Variants in PLA2G4A observed in about 807,000 individuals in gnomAD.
PLA2G4A encodes the protein phospholipase A2 group IVA.
PLA2G4A carries 40 observed loss-of-function variants against 81.9 expected under a neutral mutation model. That is an observed-to-expected ratio of 0.49 (90% CI 0.38 to 0.64). The LOEUF (loss-of-function observed/expected upper bound fraction) is 0.64, where lower values mean the gene tolerates loss of function less well. Ranked by LOEUF, PLA2G4A falls within the 30% of genes least tolerant of loss-of-function variation. The pLI, the probability that PLA2G4A is intolerant of heterozygous loss-of-function variation, is 0.00. For synonymous variants in PLA2G4A, 302 were observed against 296.9 expected (o/e 1.02, Z -0.18); for missense variants, 715 against 905.1 (o/e 0.79, Z 2.69).
intron 3 of PLA2G4A, among the ~76,000 whole-genome samples, chr1:186,892,137 T>C (rs573741072): frequency 5.9e-5 from 9 of 152,182 alleles, no homozygotes; most frequent in Non-Finnish European, 1.2e-4. Flanking sequence ...GTTGGTTACA[T>C]TATTAGATGT....
At chr1:186,872,614 A>C (rs1195782349) in intron 3 of PLA2G4A, among the ~76,000 whole-genome samples, 1 of 151,998 alleles carries the variant, frequency 6.6e-6, no homozygotes, top group African/African-American at 2.4e-5. Context: ...TTTATACTCC[A>C]TGAGTCTCTT....
At chr1:186,864,446 C>T (rs1652937757) in intron 2 of PLA2G4A, among the ~76,000 whole-genome samples, 2 of 152,006 alleles carry the variant, frequency 1.3e-5, no homozygotes, top group Non-Finnish European at 2.9e-5. Context: ...TCTTTCTCTA[C>T]ATCTATGCCA....
intron 1 of PLA2G4A, among the ~76,000 whole-genome samples, chr1:186,848,608 G>A (rs1652268131): frequency 1.3e-5 from 2 of 152,084 alleles, no homozygotes; most frequent in Admixed American, 6.6e-5. Context: ...AGGGTAGAAG[G>A]AGAGTTAGCC....
intron 3 of PLA2G4A, among the ~76,000 whole-genome samples, chr1:186,871,171 G>A (rs989416022): frequency 6.6e-6 from 1 of 152,052 alleles, no homozygotes; most frequent in African/African-American, 2.4e-5. Context: ...AACTGGTATA[G>A]GACAGCCTGA....
At chr1:186,858,768 C>T (rs375823243) in intron 2 of PLA2G4A, among the ~76,000 whole-genome samples, 4 of 151,876 alleles carry the variant, frequency 2.6e-5, no homozygotes, top group African/African-American at 4.8e-5. Context: ...TCATGTTTTT[C>T]GTTAGTTTCT....
At chr1:186,829,433 C>A (rs1380174267) in intron 1 of PLA2G4A, among the ~76,000 whole-genome samples, 1 of 152,194 alleles carries the variant, frequency 6.6e-6, no homozygotes, top group East Asian at 1.9e-4. Flanking sequence ...CCCTAGCGAT[C>A]TTTAGCGAGA....
intron 1 of PLA2G4A, among the ~76,000 whole-genome samples, chr1:186,829,317 G>A (rs879492942): frequency 1.2e-4 from 18 of 152,182 alleles, no homozygotes; most frequent in African/African-American, 4.1e-4. Context: ...CAGAAAGTTA[G>A]CATTCAAAAC....
intron 14 of PLA2G4A, among the ~76,000 whole-genome samples, chr1:186,963,434 A>G (rs1657027399): frequency 6.6e-6 from 1 of 152,216 alleles, no homozygotes; most frequent in Non-Finnish European, 1.5e-5. Context: ...AACAGAATTG[A>G]TCTACAGATA....
chr1:186,907,936 G>C (rs561106082), intron 6 of PLA2G4A, among the ~76,000 whole-genome samples: 54 of 152,328 alleles, frequency 3.5e-4, no homozygotes, highest in African/African-American at 1.2e-3. Context: ...TTTGGCATGA[G>C]ATTAGAAACA....
chr1:186,937,737 A>T (rs1393255567), intron 8 of PLA2G4A, among the ~76,000 whole-genome samples: 2 of 78,234 alleles, frequency 2.6e-5, no homozygotes, highest in Non-Finnish European at 5.4e-5. Flanking sequence ...GACTAAAAAA[A>T]AAATAGCCTA....
chr1:186,875,707 A>ATATTTGATTGTGTGATATTTGTGT (rs1653468974), intron 3 of PLA2G4A, among the ~76,000 whole-genome samples: 5 of 151,852 alleles, frequency 3.3e-5, no homozygotes, highest in Non-Finnish European at 5.9e-5. Flanking sequence ...GATATTTGTG[A>ATATTTGATTGTGTGATATTTGTGT]TCCATCTAAG....
chr1:186,911,104 T>C, intron 6 of PLA2G4A, 144 bp from the exon 7 acceptor site: 1 of 746,252 alleles, frequency 1.3e-6, no homozygotes, highest in East Asian at 2.5e-5. Flanking sequence ...TATCCTCTTA[T>C]TTTAGGTCCC....
At chr1:186,975,344 T>A (rs1657493864) in intron 15 of PLA2G4A, among the ~76,000 whole-genome samples, 1 of 152,250 alleles carries the variant, frequency 6.6e-6, no homozygotes, top group African/African-American at 2.4e-5. Flanking sequence ...TTAAATCCTT[T>A]GTTCTCCTAG....
chr1:186,973,706 A>G (rs1657437221), intron 15 of PLA2G4A, among the ~76,000 whole-genome samples: 1 of 152,256 alleles, frequency 6.6e-6, no homozygotes. Flanking sequence ...AACATTAGAT[A>G]TAGAAAATTA....
chr1:186,840,528 C>T (rs1452667682), intron 1 of PLA2G4A, among the ~76,000 whole-genome samples: 1 of 152,090 alleles, frequency 6.6e-6, no homozygotes, highest in South Asian at 2.1e-4. Flanking sequence ...AGGTGTACAC[C>T]CTTCTGTGCT....
intron 3 of PLA2G4A, among the ~76,000 whole-genome samples, chr1:186,877,314 A>G (rs1653538986): frequency 6.6e-6 from 1 of 152,026 alleles, no homozygotes. Flanking sequence ...TGCCTAACAC[A>G]CAGTAAGTGC....
At chr1:186,896,026 TTTAA>T (rs1256571511) in intron 5 of PLA2G4A, among the ~76,000 whole-genome samples, 1 of 151,368 alleles carries the variant, frequency 6.6e-6, no homozygotes, top group African/African-American at 2.4e-5. Flanking sequence ...TATGAATACA[TTTAA>T]TTATAATTTG....
chr1:186,975,143 A>T (rs1230497978), intron 15 of PLA2G4A, among the ~76,000 whole-genome samples: 1 of 152,264 alleles, frequency 6.6e-6, no homozygotes, highest in Non-Finnish European at 1.5e-5. Flanking sequence ...ACGAGTGAAT[A>T]ATTGTGAACA....
intron 3 of PLA2G4A, among the ~76,000 whole-genome samples, chr1:186,880,116 GTGCAGCAGCTT>G (rs1653674500): frequency 1.3e-5 from 2 of 151,952 alleles, no homozygotes; most frequent in Admixed American, 1.3e-4. Flanking sequence ...ATGTTTACTT[GTGCAGCAGCTT>G]TGCCTGTGAG....
Sources: allele counts gnomAD v4.1 joint callset (sites outside exome capture counted in the v4.1 genomes callset), GRCh38; gene constraint gnomAD v4.1.1; transcripts MANE v1.5; gene names NCBI Gene and HGNC (gene_info 2026-07-23, HGNC 2026-07-21).